Variants in NF1 observed in about 807,000 individuals in gnomAD.
NF1 encodes the protein neurofibromin 1, also known as neurofibromin.
Under a neutral mutation model 325.7 loss-of-function variants are expected in NF1, and 122 were observed. That is an observed-to-expected ratio of 0.37 (90% CI 0.32 to 0.44). NF1 has a LOEUF of 0.44. Ranked by LOEUF, NF1 falls within the 20% of genes least tolerant of loss-of-function variation. The probability of loss-of-function intolerance (pLI) is 1.00; values close to 1 mark genes in which losing one functional copy is unlikely to be tolerated. For synonymous variants in NF1, 1,091 were observed against 1,186.0 expected (o/e 0.92, Z 1.65); for missense variants, 2,140 against 3,415.4 (o/e 0.63, Z 9.31).
intron 36 of NF1, among the ~76,000 whole-genome samples, chr17:31,312,002 G>A (rs1316704981): frequency 6.6e-6 from 1 of 152,050 alleles, no homozygotes; most frequent in African/African-American, 2.4e-5. Context: ...TAAGAATTTG[G>A]AATGGTTTCT....
chr17:31,193,061 A>G (rs1242212531), intron 8 of NF1, among the ~76,000 whole-genome samples: 1 of 152,070 alleles, frequency 6.6e-6, no homozygotes, highest in Non-Finnish European at 1.5e-5. Flanking sequence ...CTTCCAGTCT[A>G]GCTTTTATAT....
chr17:31,278,493 CTTTTTTTTTTT>C (rs200450821), intron 36 of NF1, among the ~76,000 whole-genome samples: 62 of 15,300 alleles, frequency 4.1e-3, no homozygotes, highest in African/African-American at 7.7e-3. Context: ...GTAATTGAAG[CTTTTTTTTTTT>C]TTTTTTTTTT....
chr17:31,268,999 C>G (rs2067841974), intron 36 of NF1, among the ~76,000 whole-genome samples: 1 of 152,036 alleles, frequency 6.6e-6, no homozygotes. Flanking sequence ...AGCCACCACA[C>G]CTGGCCTAAT....
intron 36 of NF1, among the ~76,000 whole-genome samples, chr17:31,277,913 C>T (rs535811221): frequency 6.6e-6 from 1 of 152,166 alleles, no homozygotes; most frequent in Admixed American, 6.5e-5. Flanking sequence ...TTTGAATTTG[C>T]CACCTGTTTC....
At chr17:31,325,086 G>A (rs2069308202) in intron 36 of NF1, among the ~76,000 whole-genome samples, 1 of 152,232 alleles carries the variant, frequency 6.6e-6, no homozygotes, top group East Asian at 1.9e-4. Flanking sequence ...AGCAACATAT[G>A]ACCTAATATG....
intron 23 of NF1, 121 bp downstream of exon 23, chr17:31,230,503 A>G (rs897981820): frequency 2.4e-6 from 3 of 1,265,216 alleles, no homozygotes; most frequent in African/African-American, 1.5e-5. Context: ...AGCAATTTAC[A>G]TGTTTGTTTT....
chr17:31,217,857 C>T (rs1486467643), intron 13 of NF1, among the ~76,000 whole-genome samples: 2 of 145,884 alleles, frequency 1.4e-5, no homozygotes, highest in Non-Finnish European at 3.0e-5. Flanking sequence ...CCCAGCTACT[C>T]GGGAGGCTGA....
intron 17 of NF1, 26 bp from the exon 18 acceptor site, chr17:31,226,409 A>G: frequency 1.2e-6 from 2 of 1,612,242 alleles, no homozygotes; most frequent in Non-Finnish European, 1.7e-6. Context: ...AGTTGCAAAT[A>G]TATGTCTTCC....
intron 39 of NF1, among the ~76,000 whole-genome samples, chr17:31,333,473 G>T (rs2069558746): frequency 6.6e-6 from 1 of 152,074 alleles, no homozygotes; most frequent in Non-Finnish European, 1.5e-5. Flanking sequence ...AGCATCCAGA[G>T]GGATATTCTC....
At chr17:31,241,637 C>G (rs912102106) in intron 29 of NF1, among the ~76,000 whole-genome samples, 4 of 152,132 alleles carry the variant, frequency 2.6e-5, no homozygotes, top group African/African-American at 9.7e-5. Flanking sequence ...AAAAAGAAAA[C>G]TAATAAAAAC....
At chr17:31,365,392 A>C (rs2070495338) in intron 57 of NF1, among the ~76,000 whole-genome samples, 2 of 152,010 alleles carry the variant, frequency 1.3e-5, no homozygotes, top group African/African-American at 4.8e-5. Flanking sequence ...TCTTCAGAGG[A>C]GAATTGTTGT....
At chr17:31,228,886 A>T in intron 20 of NF1, 139 bp from the exon 21 acceptor site, 1 of 655,242 alleles carries the variant, frequency 1.5e-6, no homozygotes, top group Non-Finnish European at 2.6e-6. Context: ...TGTATATGGT[A>T]ATTTTATGGG....
Position 31,258,334 on chromosome 17 carries a change from T to C in NF1, c.4174-10T>C, listed in dbSNP as rs1343858579. On this transcript the variant is annotated splice_polypyrimidine_tract_variant and intron_variant, in intron 31 of 57. Transcript: ENST00000358273. Reference sequence around the variant, plus strand: ...AACCTTATACTCAATTCTCAACTCCTTGTTTTTAGGTGGTTAGCCAGCGTT... The same window carrying C: ...AACCTTATACTCAATTCTCAACTCCCTGTTTTTAGGTGGTTAGCCAGCGTT... The C allele has an allele frequency of 6.2e-7, 1 of 1,611,772 alleles. No homozygotes were observed. The highest frequency in any genetic ancestry group is 1.1e-5 in the South Asian group (1 of 91,010).
Position 31,337,583 on chromosome 17 carries a change from G to T in NF1, c.6642+1G>T, listed in dbSNP as rs1060500345. Reference sequence around the variant, plus strand: ...AGAAGCTTTGTTGGAGATCATGGAGGTATAGAAGCCAAAATGATAAGAAAC... The same window carrying T: ...AGAAGCTTTGTTGGAGATCATGGAGTTATAGAAGCCAAAATGATAAGAAAC... On this transcript the variant is annotated splice_donor_variant, in intron 43 of 57. Coordinates refer to ENST00000358273, the MANE Select transcript of NF1 (RefSeq NM_001042492.3). LOFTEE classifies it high-confidence loss of function. The T allele has an allele frequency of 6.2e-7, 1 of 1,612,856 alleles. No homozygotes were observed. Among genetic ancestry groups the T allele is most frequent in the Non-Finnish European group, 8.5e-7 (1 of 1,179,298 alleles).
At chr17:31,183,682 A>G (rs547393298) in intron 8 of NF1, among the ~76,000 whole-genome samples, 1 of 152,340 alleles carries the variant, frequency 6.6e-6, no homozygotes, top group African/African-American at 2.4e-5. Flanking sequence ...GGAGATTAAC[A>G]TTTGAGTCAG....
At chr17:31,352,801 AAT>A (rs2151577974) in intron 51 of NF1, among the ~76,000 whole-genome samples, 1 of 152,394 alleles carries the variant, frequency 6.6e-6, no homozygotes, top group South Asian at 2.1e-4. Flanking sequence ...CATCTGAGAG[AAT>A]ATATGAATAT....
chr17:31,174,107 C>T (rs1473804690), intron 5 of NF1, among the ~76,000 whole-genome samples: 4 of 152,032 alleles, frequency 2.6e-5, no homozygotes, highest in African/African-American at 7.3e-5. Flanking sequence ...AGTTCTTTGC[C>T]GAGGGACCAT....
At chr17:31,251,689 A>G (rs1445869525) in intron 30 of NF1, 1 of 200,066 alleles carries the variant, frequency 5.0e-6, no homozygotes, top group Admixed American at 6.0e-5. Flanking sequence ...AAGGCTATAA[A>G]TGATAGTTAT....
intron 1 of NF1, among the ~76,000 whole-genome samples, chr17:31,100,130 A>C (rs1291875167): frequency 1.3e-5 from 2 of 152,228 alleles, no homozygotes; most frequent in Non-Finnish European, 2.9e-5. Flanking sequence ...TAAAAGCCAA[A>C]AAACCCAATT....
Sources: gnomAD v4.1 joint callset for allele counts (sites outside exome capture counted in the v4.1 genomes callset) on GRCh38, gnomAD v4.1.1 for gene constraint, MANE v1.5 for transcripts, NCBI Gene and HGNC (gene_info 2026-07-23, HGNC 2026-07-21) for gene names.